The following PHACTR2 variants were observed in gnomAD, a reference collection of about 807,000 sequenced individuals.
The protein encoded by PHACTR2 is chromosome 6 open reading frame 56.
A neutral mutation model predicts 76.0 loss-of-function variants in PHACTR2; 30 were observed. The observed-to-expected ratio is 0.39, with a 90% CI of 0.30 to 0.54. The LOEUF is 0.54. Ranked by LOEUF, PHACTR2 falls within the 20% of genes least tolerant of loss-of-function variation. PHACTR2 has a pLI of 0.61. For missense variants in PHACTR2, 696 were observed against 781.1 expected (o/e 0.89, Z 1.30); for synonymous variants, 292 against 292.5 (o/e 1.00, Z 0.02).
rs182743514 is a variant in PHACTR2, at chr6:143,711,260, C to T, written c.47-756C>T. Among the ~76,000 whole-genome samples the T allele has an allele frequency of 2.0e-3, 304 of 152,236 alleles. 2 individuals carry two copies. Among genetic ancestry groups the T allele is most frequent in the African/African-American group, 7.1e-3 (293 of 41,536 alleles). On this transcript the variant is annotated intron_variant, in intron 1 of 12. Coordinates refer to ENST00000440869, the MANE Select transcript of PHACTR2 (RefSeq NM_001100164.2). ...GATGGAATAATATTATAGTTCATCC[C>T]TTCTGGCCTGCTTCCAGTTCTTTGC... is the stretch of plus-strand genomic sequence containing the variant.
Position 143,753,810 on chromosome 6 carries a change from G to A in PHACTR2, c.352G>A (p.Glu118Lys), listed in dbSNP as rs1779239699. ...NSNGHMIPIG[E>K]ESTREENVVK... ...AAACGGGCACATGATACCCATCGGA[G>A]AGGAATCTACCCGAGAGGAAAATGT... is the stretch of plus-strand genomic sequence containing the variant. Residue 118 changes from glutamate to lysine, a missense_variant, in exon 4 of 13, where the codon GAG (glutamate) becomes AAG (lysine). Transcript: ENST00000440869. The surrounding 1 kb of genome is among the most constrained non-coding windows in gnomAD (Gnocchi z 4.6). 2 of 1,612,106 alleles carry A rather than the reference G, an allele frequency of 1.2e-6. No homozygotes were observed. Among genetic ancestry groups the A allele is most frequent in the Non-Finnish European group, 1.7e-6 (2 of 1,178,716 alleles).
Position 143,624,218 on chromosome 6 carries a change from T to C in PHACTR2, c.13+15896T>C, listed in dbSNP as rs181994827. 3.5e-3 allele frequency among the ~76,000 whole-genome samples: 532 copies of C among 152,234 alleles called. 5 individuals are homozygous for C. Among genetic ancestry groups the C allele is most frequent in the African/African-American group, 0.012 (514 of 41,510 alleles). On this transcript the variant is annotated intron_variant, in intron 1 of 11. Transcript: ENST00000305766. The surrounding 1 kb of genome is among the most constrained non-coding windows in gnomAD (Gnocchi z 4.6). ...GCCCCCTGGGTTGAAGCAATTCTCC[T>C]GCCTCAGCTTCCCGAGTAGCTGGGA...
chr6:143,765,863 A>C lies in PHACTR2; in HGVS notation c.1232+65A>C. The C allele has an allele frequency of 1.5e-6, 2 of 1,364,108 alleles. No homozygotes were observed. The highest frequency in any genetic ancestry group is 2.0e-6 in the Non-Finnish European group (2 of 987,520). The allele number at this position is 1,364,108 out of a possible 1,614,324, so 84.5% of individuals were successfully genotyped here. ...AAAGATCACTAATATATTCTGTTGG[A>C]AATGAAGCACCGGGTTTGCTTTCTT... On this transcript the variant is annotated intron_variant, in intron 6 of 12. Coordinates refer to ENST00000440869, the MANE Select transcript of PHACTR2 (RefSeq NM_001100164.2). The surrounding 1 kb of genome is among the most constrained non-coding windows in gnomAD (Gnocchi z 4.1).
intron 2 of PHACTR2, among the ~76,000 whole-genome samples, chr6:143,745,799 G>A (rs1288492356): frequency 6.6e-6 from 1 of 152,196 alleles, no homozygotes; most frequent in Admixed American, 6.5e-5. Flanking sequence ...CAAACAAATA[G>A]CCAACGGCAT....
intron 11 of PHACTR2, among the ~76,000 whole-genome samples, chr6:143,805,786 C>A (rs552306706): frequency 2.0e-5 from 3 of 152,290 alleles, no homozygotes; most frequent in South Asian, 2.1e-4. Flanking sequence ...AGGAATATAT[C>A]TGGGGAGAAG....
chr6:143,636,722 A>G (rs1176666242), intron 1 of PHACTR2, among the ~76,000 whole-genome samples: 1 of 152,224 alleles, frequency 6.6e-6, no homozygotes, highest in Non-Finnish European at 1.5e-5. Context: ...TGCCATGAAC[A>G]ATGAATTTTC....
chr6:143,714,352 T>C (rs1465886302), intron 2 of PHACTR2, among the ~76,000 whole-genome samples: 1 of 152,238 alleles, frequency 6.6e-6, no homozygotes. Context: ...CAGCGATAAA[T>C]ACCACTTTTC....
chr6:143,579,666 A>T (rs34320641), intron 1 of PHACTR2, among the ~76,000 whole-genome samples: 44,667 of 151,920 alleles, frequency 0.29, 6,648 homozygotes, highest in Middle Eastern at 0.42. Flanking sequence ...CCTCTTCTGC[A>T]GATGGTGGCC....
In PHACTR2 at chr6:143,754,050, G is replaced by T; in HGVS notation, c.454+138G>T. 1 of 470,558 alleles carries T rather than the reference G, an allele frequency of 2.1e-6. No individual in the cohort carries two copies. The highest frequency in any genetic ancestry group is 3.7e-6 in the Non-Finnish European group (1 of 271,216). The allele number at this position is 470,558 out of a possible 1,614,324, so 29.1% of individuals were successfully genotyped here. On this transcript the variant is annotated intron_variant, in intron 4 of 12. Coordinates refer to ENST00000440869, the MANE Select transcript of PHACTR2 (RefSeq NM_001100164.2). The surrounding 1 kb of genome is among the most constrained non-coding windows in gnomAD (Gnocchi z 6.2). ...TTACAAATAGAAAAAAGAAAGAAAT[G>T]ATAACTAGTAAAGTGAAATCGGATG... is the stretch of plus-strand genomic sequence containing the variant.
chr6:143,760,237 C>A lies in PHACTR2; in HGVS notation c.455-164C>A, dbSNP rs1324238611. Among the ~76,000 whole-genome samples, 1 of 152,132 alleles carries A rather than the reference C, an allele frequency of 6.6e-6. No individual in the cohort carries two copies. The highest frequency in any genetic ancestry group is 2.4e-5 in the African/African-American group (1 of 41,428). ...GAACACTTCTCAGTTTGTCTTTCAG[C>A]CTTTGTTTTCACCCTAAACTGTGCT... On this transcript the variant is annotated intron_variant, in intron 4 of 12. Transcript: ENST00000440869. This position sits in a 1 kb window ranked among gnomAD's most constrained non-coding sequence, Gnocchi z 6.4.
At chr6:143,661,303 G>C (rs1005316085) in intron 1 of PHACTR2, among the ~76,000 whole-genome samples, 1 of 152,134 alleles carries the variant, frequency 6.6e-6, no homozygotes, top group Non-Finnish European at 1.5e-5. Flanking sequence ...ACAAATCACT[G>C]CATGTGTTAC....
rs540938835 is a variant in PHACTR2 at position 143,611,662 on chromosome 6, T to C, written c.13+3340T>C. Reference sequence around the variant, plus strand: ...GGCATATGGCAGCATACAATGCATGTTGGCGTTTTAGAGAGTCATCAAAAG... The same window carrying C: ...GGCATATGGCAGCATACAATGCATGCTGGCGTTTTAGAGAGTCATCAAAAG... On this transcript the variant is annotated intron_variant, in intron 1 of 11. Transcript: ENST00000305766. This position sits in a 1 kb window ranked among gnomAD's most constrained non-coding sequence, Gnocchi z 4.4. 3.3e-5 allele frequency among the ~76,000 whole-genome samples: 5 copies of C among 152,322 alleles called. No homozygotes were observed. In the East Asian group the frequency reaches 7.7e-4, roughly 23 times the overall value.
At position 143,696,916 on chromosome 6, in the gene PHACTR2, T is replaced by C. The variant is rs1445152220; in HGVS notation, c.47-15100T>C. On this transcript the variant is annotated intron_variant, in intron 1 of 12. Transcript: ENST00000440869. The surrounding 1 kb of genome is among the most constrained non-coding windows in gnomAD (Gnocchi z 4.1). Reference sequence around the variant, plus strand: ...GGAGAGGTGGTGTGTTCTGTTTAAATTGGAATAAAAACTTGTTGCTGGCTG... The same window carrying C: ...GGAGAGGTGGTGTGTTCTGTTTAAACTGGAATAAAAACTTGTTGCTGGCTG... 1.3e-5 allele frequency among the ~76,000 whole-genome samples: 2 copies of C among 152,176 alleles called. No individual in the cohort carries two copies. The highest frequency in any genetic ancestry group is 2.9e-5 in the Non-Finnish European group (2 of 68,032).
intron 1 of PHACTR2, among the ~76,000 whole-genome samples, chr6:143,573,096 T>C (rs1436906693): frequency 6.6e-6 from 1 of 152,252 alleles, no homozygotes; most frequent in African/African-American, 2.4e-5. Context: ...AATTTTCTTA[T>C]ATATTGCATT....
rs1222234227 is a variant in PHACTR2, at chr6:143,589,012, C to G, written c.217+51805C>G. On this transcript the variant is annotated intron_variant, in intron 1 of 11. Coordinates refer to the PHACTR2 transcript ENST00000367584. The surrounding 1 kb of genome is among the most constrained non-coding windows in gnomAD (Gnocchi z 4.4). The stretch of plus-strand genomic sequence containing the variant: ...TTCAACCTTCAAGGAACAAATCACT[C>G]TCATCGTATGAGTTTGCTAGAGCTG... Among the ~76,000 whole-genome samples, 1 of 152,228 alleles carries G rather than the reference C, an allele frequency of 6.6e-6. No individual in the cohort carries two copies. The highest frequency in any genetic ancestry group is 1.5e-5 in the Non-Finnish European group (1 of 68,036).
intron 1 of PHACTR2, among the ~76,000 whole-genome samples, chr6:143,666,137 C>A (rs1777030416): frequency 1.3e-5 from 2 of 151,000 alleles, no homozygotes; most frequent in Non-Finnish European, 2.9e-5. Context: ...GTTTGGTTTT[C>A]CGTTCCTGTG....
In PHACTR2 at chr6:143,696,629, G is replaced by T. The variant is rs1777776708; in HGVS notation, c.47-15387G>T. On this transcript the variant is annotated intron_variant, in intron 1 of 12. Transcript: ENST00000440869. The surrounding 1 kb of genome is among the most constrained non-coding windows in gnomAD (Gnocchi z 4.1). ...CAGATTATTACATTCAGATCTTTCT[G>T]GCACTGGAAGCCCATGTTTTTCCTT... Among the ~76,000 whole-genome samples the T allele has an allele frequency of 6.6e-6, 1 of 152,284 alleles. No homozygotes were observed. Among genetic ancestry groups the T allele is most frequent in the East Asian group, 1.9e-4 (1 of 5,188 alleles).
Position 143,718,875 on chromosome 6 carries a change from G to GTTTT in PHACTR2, c.214+6713_214+6716dup, listed in dbSNP as rs1226236202. Among the ~76,000 whole-genome samples, 171 of 123,542 alleles carry GTTTT rather than the reference G, an allele frequency of 1.4e-3. 2 individuals carry two copies. Among genetic ancestry groups the GTTTT allele is most frequent in the East Asian group, 0.013 (46 of 3,538 alleles). 81.0% of individuals were successfully genotyped at this position (123,542 alleles called of 152,430 possible). A position where few individuals can be genotyped will look rare whatever the true frequency, so the allele number is the denominator to read the frequency against. On this transcript the variant is annotated intron_variant, in intron 2 of 12. Transcript: ENST00000440869. ...ACTAAGAAGTTGGAAAGTTGGAAGT[G>GTTTT]TTTTTTTTTTTTTTTTTTTTTTTTG...
rs1376261936 is a variant in PHACTR2, at chr6:143,639,039, A to T, written c.13+30717A>T. Among the ~76,000 whole-genome samples, 1 of 152,248 alleles carries T rather than the reference A, an allele frequency of 6.6e-6. No individual in the cohort carries two copies. The highest frequency in any genetic ancestry group is 1.5e-5 in the Non-Finnish European group (1 of 68,048). On this transcript the variant is annotated intron_variant, in intron 1 of 11. Coordinates refer to the PHACTR2 transcript ENST00000305766. The surrounding 1 kb of genome is among the most constrained non-coding windows in gnomAD (Gnocchi z 5.0). Reference sequence around the variant, plus strand: ...CTCTTTGCCCAGTTGTCAGGCAATAAAATTATTCAGTGTAGCATCAAAAGC... The same window carrying T: ...CTCTTTGCCCAGTTGTCAGGCAATATAATTATTCAGTGTAGCATCAAAAGC...
Sources: allele counts gnomAD v4.1 joint callset (sites outside exome capture counted in the v4.1 genomes callset), GRCh38; gene constraint gnomAD v4.1.1; non-coding constraint Gnocchi (gnomAD v3.1); transcripts MANE v1.5; gene names NCBI Gene and HGNC (gene_info 2026-07-23, HGNC 2026-07-21).